UTRN: variants seen among roughly 807,000 people sequenced by gnomAD.
UTRN encodes the protein dystrophin-related protein 1.
Under a neutral mutation model 463.9 loss-of-function variants are expected in UTRN, and 283 were observed. That is an observed-to-expected ratio of 0.61 (90% CI 0.55 to 0.67). UTRN has a LOEUF of 0.67. Among genes scored for constraint, UTRN ranks in the 30% least tolerant of loss-of-function variants. UTRN has a pLI of 0.00. For missense variants in UTRN, 3,922 were observed against 4,084.3 expected (o/e 0.96, Z 1.08); for synonymous variants, 1,442 against 1,431.5 (o/e 1.01, Z -0.17).
chr6:144,302,509 C>CAAAAAAAAAAAAAAAAAAAA (rs57789741), intron 2 of UTRN, among the ~76,000 whole-genome samples: 6 of 139,176 alleles, frequency 4.3e-5, no homozygotes, highest in East Asian at 4.3e-4. Flanking sequence ...GACTCTGTCT[C>CAAAAAAAAAAAAAAAAAAAA]AAAAAAAAAG....
chr6:144,739,429 A>G (rs549907711), intron 54 of UTRN, among the ~76,000 whole-genome samples: 1 of 152,338 alleles, frequency 6.6e-6, no homozygotes, highest in African/African-American at 2.4e-5. Flanking sequence ...ATTTTCTTGT[A>G]TGTAATAAAA....
chr6:144,588,639 G>A (rs1478212621), intron 51 of UTRN, among the ~76,000 whole-genome samples: 2 of 152,072 alleles, frequency 1.3e-5, no homozygotes, highest in Non-Finnish European at 2.9e-5. Context: ...AACTTAAAGG[G>A]TTGATGATTT....
chr6:144,574,273 A>C (rs1801222968), intron 50 of UTRN, among the ~76,000 whole-genome samples: 1 of 152,172 alleles, frequency 6.6e-6, no homozygotes, highest in South Asian at 2.1e-4. Flanking sequence ...TTAAGAAGTA[A>C]GTGCTAGGAT....
chr6:144,601,291 G>A (rs185106239), intron 51 of UTRN, among the ~76,000 whole-genome samples: 2 of 152,302 alleles, frequency 1.3e-5, no homozygotes, highest in African/African-American at 4.8e-5. Context: ...ATGGATTTGG[G>A]CAAAGTAAGT....
intron 2 of UTRN, among the ~76,000 whole-genome samples, chr6:144,381,172 C>G (rs887015481): frequency 3.9e-5 from 6 of 152,228 alleles, no homozygotes; most frequent in African/African-American, 9.6e-5. Context: ...TTCCCTCCCC[C>G]CAACCTCCAC....
chr6:144,495,246 G>T (rs1323577995), intron 33 of UTRN, among the ~76,000 whole-genome samples: 2 of 152,216 alleles, frequency 1.3e-5, no homozygotes, highest in Non-Finnish European at 2.9e-5. Context: ...CCCATGGAGG[G>T]GGTGGGAGGC....
At chr6:144,589,824 A>T (rs1802824449) in intron 51 of UTRN, among the ~76,000 whole-genome samples, 1 of 151,982 alleles carries the variant, frequency 6.6e-6, no homozygotes, top group South Asian at 2.1e-4. Context: ...AAACAGAGAT[A>T]GTCTATAATG....
chr6:144,811,325 T>C (rs1218766999), intron 65 of UTRN, among the ~76,000 whole-genome samples: 1 of 152,142 alleles, frequency 6.6e-6, no homozygotes, highest in Non-Finnish European at 1.5e-5. Context: ...GGGTAGTTTG[T>C]TTTTTGGCAG....
intron 2 of UTRN, among the ~76,000 whole-genome samples, chr6:144,348,899 A>C (rs928838894): frequency 5.3e-5 from 8 of 152,044 alleles, no homozygotes; most frequent in African/African-American, 1.7e-4. Context: ...GCGCCATTGC[A>C]CTCTAGCCTG....
rs563746025 is a variant in UTRN at position 144,354,998 on chromosome 6, C to T, written c.80-48125C>T. On this transcript the variant is annotated intron_variant, in intron 2 of 74. Transcript: ENST00000367545. Reference sequence around the variant, plus strand: ...GAAAGTCCTGTTCTTGTCTTTGAATCTTTAAACCTTCCCTAGCTCCTGGCA... The same window carrying T: ...GAAAGTCCTGTTCTTGTCTTTGAATTTTTAAACCTTCCCTAGCTCCTGGCA... Among the ~76,000 whole-genome samples the T allele has an allele frequency of 6.6e-5, 10 of 152,232 alleles. No homozygotes were observed. In the South Asian group the frequency reaches 1.9e-3, roughly 28 times the overall value.
intron 57 of UTRN, among the ~76,000 whole-genome samples, chr6:144,757,533 G>T (rs1370167281): frequency 6.6e-6 from 1 of 151,986 alleles, no homozygotes; most frequent in Non-Finnish European, 1.5e-5. Context: ...GGAAAATTCG[G>T]TCTTGAAAAA....
At chr6:144,656,607 C>T (rs1255057437) in intron 51 of UTRN, among the ~76,000 whole-genome samples, 3 of 152,132 alleles carry the variant, frequency 2.0e-5, no homozygotes, top group Non-Finnish European at 4.4e-5. Context: ...TTATAGATAT[C>T]AAACACAAAT....
intron 73 of UTRN, among the ~76,000 whole-genome samples, chr6:144,842,251 A>G (rs1360037095): frequency 6.6e-6 from 1 of 152,136 alleles, no homozygotes; most frequent in Non-Finnish European, 1.5e-5. Context: ...TTTTTAAAAT[A>G]CCATCATTAG....
At chr6:144,734,764 T>TA (rs1789179588) in intron 54 of UTRN, among the ~76,000 whole-genome samples, 1 of 152,194 alleles carries the variant, frequency 6.6e-6, no homozygotes, top group African/African-American at 2.4e-5. Context: ...TTTGCTCCCT[T>TA]ATTAGAGATT....
intron 61 of UTRN, 151 bp downstream of exon 61, chr6:144,782,274 T>TG: frequency 4.5e-6 from 3 of 665,566 alleles, no homozygotes; most frequent in Non-Finnish European, 7.3e-6. Flanking sequence ...CTGAATGATT[T>TG]TACAAATCAT....
At chr6:144,351,791 T>C (rs1778131048) in intron 2 of UTRN, among the ~76,000 whole-genome samples, 1 of 152,196 alleles carries the variant, frequency 6.6e-6, no homozygotes. Context: ...CCAAATACTC[T>C]GAAAGGCTGG....
In UTRN at chr6:144,567,592, T is replaced by G. The variant is rs559060820; in HGVS notation, c.7290-9507T>G. Among the ~76,000 whole-genome samples the G allele has an allele frequency of 6.6e-5, 10 of 152,294 alleles. No individual in the cohort carries two copies. The South Asian group carries it at 2.1e-3, about 32-fold the overall frequency. ...CTGCATTTTTCCCCACAGCATGCTT[T>G]AATGTATTTCCCAGGTGAATATTAT... On this transcript the variant is annotated intron_variant, in intron 50 of 74. Transcript: ENST00000367545.
intron 65 of UTRN, among the ~76,000 whole-genome samples, chr6:144,820,475 T>TTA (rs1401655884): frequency 5.7e-5 from 6 of 105,716 alleles, no homozygotes; most frequent in Non-Finnish European, 8.4e-5. Context: ...CACAGCTTGG[T>TTA]TAAAACCATT....
At chr6:144,561,205 T>TTA (rs1162903466) in intron 50 of UTRN, among the ~76,000 whole-genome samples, 38 of 60,178 alleles carry the variant, frequency 6.3e-4, no homozygotes, top group Non-Finnish European at 1.0e-3. Flanking sequence ...AAAAATAACA[T>TTA]TATATATATA....
Sources: allele counts gnomAD v4.1 joint callset (sites outside exome capture counted in the v4.1 genomes callset), GRCh38; gene constraint gnomAD v4.1.1; transcripts MANE v1.5; gene names NCBI Gene and HGNC (gene_info 2026-07-23, HGNC 2026-07-21).